Variants in SYN3 observed in about 807,000 individuals in gnomAD.
SYN3 encodes synapsin-3.
Under a neutral mutation model 65.8 loss-of-function variants are expected in SYN3, and 35 were observed. The ratio of observed to expected loss-of-function variants is 0.53; its 90% CI spans 0.41 to 0.70. The LOEUF is 0.70. Among genes scored for constraint, SYN3 ranks in the 30% least tolerant of loss-of-function variants. The pLI is 0.00. For synonymous variants in SYN3, 270 were observed against 292.9 expected (o/e 0.92, Z 0.80); for missense variants, 680 against 749.0 (o/e 0.91, Z 1.08).
chr22:32,922,692 G>A (rs1018881612), intron 4 of SYN3, among the ~76,000 whole-genome samples: 3 of 152,048 alleles, frequency 2.0e-5, no homozygotes, highest in Non-Finnish European at 4.4e-5. Flanking sequence ...CATCCCATCC[G>A]CTCTGTGGTC....
intron 3 of SYN3, among the ~76,000 whole-genome samples, chr22:32,945,765 T>C (rs1030843550): frequency 5.9e-5 from 9 of 152,142 alleles, no homozygotes; most frequent in Admixed American, 2.0e-4. Flanking sequence ...ACCTACAGAA[T>C]GGGAGAAAAT....
chr22:33,002,058 G>A (rs944893221), intron 2 of SYN3, among the ~76,000 whole-genome samples: 4 of 152,188 alleles, frequency 2.6e-5, no homozygotes, highest in Non-Finnish European at 5.9e-5. Context: ...GCATTGTTCA[G>A]GGCAGAGGGC....
At chr22:33,018,847 C>G (rs1431407678) in intron 1 of SYN3, among the ~76,000 whole-genome samples, 1 of 152,188 alleles carries the variant, frequency 6.6e-6, no homozygotes, top group East Asian at 1.9e-4. Flanking sequence ...AGACCTGAAC[C>G]TAAGTCTCAC....
chr22:32,851,225 C>T (rs1375676795), intron 6 of SYN3, among the ~76,000 whole-genome samples: 3 of 152,180 alleles, frequency 2.0e-5, no homozygotes, highest in Non-Finnish European at 4.4e-5. Flanking sequence ...TCAGAAAACA[C>T]ACGAACCTGC....
At chr22:32,864,437 T>A (rs1433894601) in intron 6 of SYN3, 2 of 156,648 alleles carry the variant, frequency 1.3e-5, no homozygotes, top group South Asian at 3.9e-4. Flanking sequence ...CCAGAGGAGA[T>A]CTCAGGTGCA....
intron 4 of SYN3, among the ~76,000 whole-genome samples, chr22:32,913,100 A>C (rs2146591890): frequency 6.6e-6 from 1 of 152,212 alleles, no homozygotes; most frequent in Non-Finnish European, 1.5e-5. Flanking sequence ...GGCCTATGCA[A>C]ACTGTACTTT....
intron 7 of SYN3, among the ~76,000 whole-genome samples, chr22:32,593,742 T>C (rs561645795): frequency 6.6e-6 from 1 of 152,170 alleles, no homozygotes; most frequent in African/African-American, 2.4e-5. Flanking sequence ...CCTGATGCTC[T>C]GGGAAGGAAA....
intron 7 of SYN3, among the ~76,000 whole-genome samples, chr22:32,595,849 G>A (rs1051787585): frequency 6.6e-6 from 1 of 152,192 alleles, no homozygotes; most frequent in Non-Finnish European, 1.5e-5. Context: ...GGCCATGACG[G>A]GTGGATCACT....
intron 7 of SYN3, among the ~76,000 whole-genome samples, chr22:32,588,482 C>T (rs1478042952): frequency 1.3e-5 from 2 of 152,200 alleles, no homozygotes; most frequent in African/African-American, 4.8e-5. Context: ...CTTATTTCAT[C>T]TCAGCTGAGA....
At chr22:33,019,155 GAC>G (rs2053520276) in intron 1 of SYN3, among the ~76,000 whole-genome samples, 1 of 152,116 alleles carries the variant, frequency 6.6e-6, no homozygotes, top group East Asian at 1.9e-4. Flanking sequence ...TAGGATAAAG[GAC>G]ACACTGTAAC....
At chr22:32,647,828 C>T (rs1297929074) in intron 6 of SYN3, among the ~76,000 whole-genome samples, 2 of 152,074 alleles carry the variant, frequency 1.3e-5, no homozygotes, top group Non-Finnish European at 1.5e-5. Context: ...AGGCTGGTCT[C>T]GAACTCCTGA....
At chr22:32,781,042 CCCCT>C (rs1157072414) in intron 6 of SYN3, among the ~76,000 whole-genome samples, 52 of 90,710 alleles carry the variant, frequency 5.7e-4, no homozygotes, top group African/African-American at 1.1e-3. Context: ...TTCTTTCTTT[CCCCT>C]CCCTCCCTCC....
intron 6 of SYN3, among the ~76,000 whole-genome samples, chr22:32,668,573 C>T (rs1038280729): frequency 6.6e-6 from 1 of 152,046 alleles, no homozygotes; most frequent in Non-Finnish European, 1.5e-5. Flanking sequence ...TCCACTCCTG[C>T]CTTCCCTTCT....
At chr22:32,708,167 T>C (rs1250631533) in intron 6 of SYN3, among the ~76,000 whole-genome samples, 1 of 152,254 alleles carries the variant, frequency 6.6e-6, no homozygotes. Flanking sequence ...GAGTGTGTGA[T>C]CTGCAGCAGG....
At chr22:32,959,387 A>T (rs1401902659) in intron 3 of SYN3, among the ~76,000 whole-genome samples, 1 of 151,936 alleles carries the variant, frequency 6.6e-6, no homozygotes, top group Non-Finnish European at 1.5e-5. Context: ...CTTTATCAGC[A>T]GTGTGAAAAC....
intron 6 of SYN3, among the ~76,000 whole-genome samples, chr22:32,751,328 T>C (rs1343480181): frequency 1.3e-5 from 2 of 152,100 alleles, no homozygotes; most frequent in East Asian, 3.9e-4. Context: ...CACTCAGAAG[T>C]GGCCTCTGCT....
intron 6 of SYN3, among the ~76,000 whole-genome samples, chr22:32,734,346 G>A (rs565580669): frequency 1.3e-5 from 2 of 152,212 alleles, no homozygotes; most frequent in East Asian, 3.8e-4. Flanking sequence ...TCCAGGTGCA[G>A]GGGGGAGAGA....
At chr22:32,568,180 C>T (rs963568832) in intron 7 of SYN3, among the ~76,000 whole-genome samples, 6 of 152,138 alleles carry the variant, frequency 3.9e-5, no homozygotes, top group African/African-American at 1.4e-4. Context: ...AGCCTGGGCT[C>T]CCTGTACCTT....
At position 32,533,893 on chromosome 22, in the gene SYN3, T is replaced by C; in HGVS notation, c.995A>G (p.Tyr332Cys). 2 of 1,611,952 alleles carry C rather than the reference T, an allele frequency of 1.2e-6. No individual in the cohort carries two copies. Among genetic ancestry groups the C allele is most frequent in the Non-Finnish European group, 1.7e-6 (2 of 1,178,328 alleles). ...CGAGCAGCTGTCCACCCACAGCCTG[T>C]ACCTGCAGGGACAGATGGACAGACA... is the stretch of plus-strand genomic sequence containing the variant. ...MLEQVAMTER[Y>C]RLWVDSCSEM... is the part of the protein sequence containing the mutation. The change falls in exon 10 of 14, where the codon TAC becomes TGC. Residue 332 changes from tyrosine to cysteine, a missense_variant and splice_region_variant. Tyr to Cys is a radical substitution (Grantham distance 194). Transcript: ENST00000358763.
Sources: gnomAD v4.1 joint callset for allele counts (sites outside exome capture counted in the v4.1 genomes callset) on GRCh38, gnomAD v4.1.1 for gene constraint, MANE v1.5 for transcripts, NCBI Gene and HGNC (gene_info 2026-07-23, HGNC 2026-07-21) for gene names.